ZNF397: variants seen among roughly 807,000 people sequenced by gnomAD.
The protein encoded by ZNF397 is zinc finger and SCAN domain-containing protein 15.
Under a neutral mutation model 50.6 loss-of-function variants are expected in ZNF397, and 38 were observed. The ratio of observed to expected loss-of-function variants is 0.75; its 90% CI spans 0.58 to 0.98. The LOEUF is 0.98. Among genes scored for constraint, ZNF397 ranks in the 50% least tolerant of loss-of-function variants. The probability of loss-of-function intolerance (pLI) is 0.00; values close to 1 mark genes in which losing one functional copy is unlikely to be tolerated. For synonymous variants in ZNF397, 228 were observed against 215.2 expected (o/e 1.06, Z -0.52); for missense variants, 624 against 624.1 (o/e 1.00, Z 0.00).
Position 35,247,012 on chromosome 18 carries a change from A to G in ZNF397, c.*702A>G, listed in dbSNP as rs1312595872. The G allele has an allele frequency of 1.1e-6, 1 of 908,994 alleles. No individual in the cohort carries two copies. The highest frequency in any genetic ancestry group is 1.3e-6 in the Non-Finnish European group (1 of 760,630). 56.3% of individuals were successfully genotyped at this position (908,994 alleles called of 1,614,324 possible). A position where few individuals can be genotyped will look rare whatever the true frequency, so the allele number is the denominator to read the frequency against. ...GCACCTGACTCAGCCTTGGATAAGG[A>G]AATGGGGGAAATGGCCTGAAGGATG... is the stretch of plus-strand genomic sequence containing the variant. On this transcript the variant is annotated 3_prime_UTR_variant, in exon 4 of 4. Coordinates refer to ENST00000330501, the MANE Select transcript of ZNF397 (RefSeq NM_001135178.3).
Position 35,245,332 on chromosome 18 carries a change from A to T in ZNF397, c.627A>T (p.Glu209Asp). Residue 209 changes from glutamate (E) to aspartate (D), a missense_variant, in exon 4 of 4, where the codon GAA becomes GAT. Glu to Asp is a conservative substitution (Grantham distance 45). Transcript: ENST00000330501. ...SEEKSQGLPQ[E>D]PSFRGISEHE... is the part of the protein sequence containing the mutation. ...AAAAATCACAGGGACTCCCTCAGGAACCTTCATTTCGAGGAATTAGTGAGC... is the reference window on the plus strand; with the variant it reads ...AAAAATCACAGGGACTCCCTCAGGATCCTTCATTTCGAGGAATTAGTGAGC... 6.2e-7 allele frequency: 1 copy of T among 1,613,340 alleles called. No homozygotes were observed. Among genetic ancestry groups the T allele is most frequent in the African/African-American group, 1.3e-5 (1 of 75,040 alleles).
At chr18:35,256,775 G>GT (rs1490730316) in intron 5 of ZNF397, among the ~76,000 whole-genome samples, 2 of 151,904 alleles carry the variant, frequency 1.3e-5, no homozygotes, top group East Asian at 1.9e-4. Flanking sequence ...TGTTGTTGTT[G>GT]TTGTTTGTTT....
chr18:35,245,363 A>G lies in ZNF397; in HGVS notation c.658A>G (p.Ser220Gly). The change falls in exon 4 of 4, where the codon AGC becomes GGC. Residue 220 changes from serine (S) to glycine (G), a missense_variant. Physicochemically the swap from Ser to Gly is moderately conservative, Grantham distance 56. Coordinates refer to ENST00000330501, the MANE Select transcript of ZNF397 (RefSeq NM_001135178.3). The stretch of plus-strand genomic sequence containing the variant: ...ATTTCGAGGAATTAGTGAGCATGAA[A>G]GCAATTTAGTGTGGAAGCAAGGAAG... ...PSFRGISEHE[S>G]NLVWKQGSAT... is the part of the protein sequence containing the mutation. 1 of 1,611,320 alleles carries G rather than the reference A, an allele frequency of 6.2e-7. No individual in the cohort carries two copies. The highest frequency in any genetic ancestry group is 8.5e-7 in the Non-Finnish European group (1 of 1,178,374).
chr18:35,246,943 C>A lies in ZNF397; in HGVS notation c.*633C>A. On this transcript the variant is annotated 3_prime_UTR_variant, in exon 4 of 4. Transcript: ENST00000330501. ...TCTACAGTCTAATGGGCAAGGCAGC[C>A]AGACAGGCAGTGAAAGTGGAATGCT... The A allele has an allele frequency of 1.1e-6, 1 of 887,266 alleles. No individual in the cohort carries two copies. Among genetic ancestry groups the A allele is most frequent in the Non-Finnish European group, 1.4e-6 (1 of 740,418 alleles). 55.0% of individuals were successfully genotyped at this position (887,266 alleles called of 1,614,324 possible).
At chr18:35,253,267 T>A, downstream of ZNF397, 1 of 479,094 alleles carries the variant, frequency 2.1e-6, no homozygotes, top group Non-Finnish European at 3.6e-6. Flanking sequence ...TTGGGTAACA[T>A]TTTTCTTCCA....
chr18:35,249,778 ATT>A lies in ZNF397; in HGVS notation c.*3470_*3471del, dbSNP rs1287350543. Reference sequence around the variant, plus strand: ...CAGTATGATCCTATGTAAAATATATATTTATGTATTAAAAATACTGAAAACAT... The same window carrying A: ...CAGTATGATCCTATGTAAAATATATATATGTATTAAAAATACTGAAAACAT... On this transcript the variant is annotated 3_prime_UTR_variant, in exon 4 of 4. Transcript: ENST00000330501. 1.3e-5 allele frequency: 2 copies of A among 151,486 alleles called. No individual in the cohort carries two copies. Among genetic ancestry groups the A allele is most frequent in the African/African-American group, 4.9e-5 (2 of 41,192 alleles). The allele number at this position is 151,486 out of a possible 1,614,324, so 9.4% of individuals were successfully genotyped here.
downstream of ZNF397, chr18:35,252,966 T>A (rs1190067586): frequency 6.5e-6 from 1 of 154,200 alleles, no homozygotes; most frequent in African/African-American, 2.4e-5. Flanking sequence ...ATTAAACTAA[T>A]AGCATAATTC....
At chr18:35,250,251 C>T (rs563129394), downstream of ZNF397, among the ~76,000 whole-genome samples, 2 of 152,320 alleles carry the variant, frequency 1.3e-5, no homozygotes, top group South Asian at 4.1e-4. Flanking sequence ...TCTTCCAACT[C>T]TAGACCCTCA....
intron 5 of ZNF397, among the ~76,000 whole-genome samples, chr18:35,255,294 G>A (rs1405869476): frequency 1.3e-5 from 2 of 151,462 alleles, no homozygotes; most frequent in African/African-American, 2.4e-5. Flanking sequence ...GGCATATTAT[G>A]TCAGCCATCT....
At chr18:35,242,995 A>T in intron 2 of ZNF397, 111 bp downstream of exon 2, 1 of 1,478,974 alleles carries the variant, frequency 6.8e-7, no homozygotes, top group Admixed American at 2.3e-5. Context: ...CCTAACCTGA[A>T]GTGACTAATA....
chr18:35,246,156 A>C lies in ZNF397; in HGVS notation c.1451A>C (p.Asn484Thr). ...AGTGGGGAGGAACCTTATCAGTGTA[A>C]TGAATGTGGCAAAACTTTCAAAAGG... Reference protein sequence around the residue: ...IHSGEEPYQCNECGKTFKRSS... With the variant: ...IHSGEEPYQCTECGKTFKRSS... The change falls in exon 4 of 4, where the codon AAT becomes ACT. Residue 484 changes from asparagine (N) to threonine (T), a missense_variant. Physicochemically the swap from Asn to Thr is moderately conservative, Grantham distance 65. Coordinates refer to ENST00000330501, the MANE Select transcript of ZNF397 (RefSeq NM_001135178.3). 1 of 1,551,238 alleles carries C rather than the reference A, an allele frequency of 6.4e-7. No homozygotes were observed. Among genetic ancestry groups the C allele is most frequent in the Non-Finnish European group, 8.7e-7 (1 of 1,146,526 alleles).
downstream of ZNF397, among the ~76,000 whole-genome samples, chr18:35,250,373 C>A (rs192184091): frequency 1.8e-4 from 28 of 152,294 alleles, no homozygotes; most frequent in African/African-American, 6.7e-4. Context: ...ATTTTTTCGT[C>A]TTCACCACTC....
chr18:35,242,879 CA>C lies in ZNF397; in HGVS notation c.410del (p.Gln137ArgfsTer17), dbSNP rs755427008. The C allele has an allele frequency of 6.2e-7, 1 of 1,604,794 alleles. No homozygotes were observed. Among genetic ancestry groups the C allele is most frequent in the Non-Finnish European group, 8.5e-7 (1 of 1,174,932 alleles). On this transcript the variant is annotated frameshift_variant, in exon 2 of 4. Transcript: ENST00000330501. LOFTEE classifies it high-confidence loss of function. ...AGAGAGGGAGTTTGATGACCCAGGG[CA>C]GCAGGTGGGAACGGAGAAAAGTGAT... ...DLEREFDDPG[Q>X]QVPASPQGPA...
Position 35,242,564 on chromosome 18 carries a change from T to G in ZNF397, c.94T>G (p.Trp32Gly), listed in dbSNP as rs1488332130. The change falls in exon 2 of 4, where the codon TGG (tryptophan) becomes GGG (glycine). Residue 32 changes from tryptophan (W) to glycine (G), a missense_variant. By Grantham distance (184) the Trp-to-Gly change is radical (BLOSUM62 -2). Coordinates refer to ENST00000330501, the MANE Select transcript of ZNF397 (RefSeq NM_001135178.3). ...AGTGAAAGTAGAAGATAACTTTTCC[T>G]GGGATGAGAAATTTAAGCAGAATGG... ...ILVKVEDNFS[W>G]DEKFKQNGST... 6.2e-7 allele frequency: 1 copy of G among 1,614,238 alleles called. No individual in the cohort carries two copies. Among genetic ancestry groups the G allele is most frequent in the Non-Finnish European group, 8.5e-7 (1 of 1,180,046 alleles).
In ZNF397 at chr18:35,249,689, AATTAAT is replaced by A. The variant is rs2043544955; in HGVS notation, c.*3385_*3390del. On this transcript the variant is annotated 3_prime_UTR_variant, in exon 4 of 4. Coordinates refer to ENST00000330501, the MANE Select transcript of ZNF397 (RefSeq NM_001135178.3). The stretch of plus-strand genomic sequence containing the variant: ...AAAAAAAAAAAAAAACACTGATGTC[AATTAAT>A]ATTAAATGAAGTATTCATGATATAT... 6.8e-6 allele frequency: 1 copy of A among 148,090 alleles called. No homozygotes were observed. Among genetic ancestry groups the A allele is most frequent in the African/African-American group, 2.5e-5 (1 of 40,452 alleles). 9.2% of individuals were successfully genotyped at this position (148,090 alleles called of 1,614,324 possible).
intron 5 of ZNF397, among the ~76,000 whole-genome samples, chr18:35,255,168 C>T (rs555731890): frequency 1.3e-5 from 2 of 151,322 alleles, no homozygotes; most frequent in Admixed American, 1.3e-4. Flanking sequence ...CTGCCCAGAG[C>T]CAGACCTTCT....
In ZNF397 at chr18:35,248,488, G is replaced by A. The variant is rs1487451726; in HGVS notation, c.*2178G>A. ...AACTGAAAAGGTAGGACGTAAAGTA[G>A]GAATTGTAAAACGGAAATACTCTTT... On this transcript the variant is annotated 3_prime_UTR_variant, in exon 4 of 4. Coordinates refer to ENST00000330501, the MANE Select transcript of ZNF397 (RefSeq NM_001135178.3). 6.6e-6 allele frequency: 1 copy of A among 152,178 alleles called. No homozygotes were observed. Among genetic ancestry groups the A allele is most frequent in the African/African-American group, 2.4e-5 (1 of 41,446 alleles). 9.4% of individuals were successfully genotyped at this position (152,178 alleles called of 1,614,324 possible). A position where few individuals can be genotyped will look rare whatever the true frequency, so the allele number is the denominator to read the frequency against.
At position 35,243,198 on chromosome 18, in the gene ZNF397, C is replaced by T. The variant is rs1236070716; in HGVS notation, c.461C>T (p.Thr154Ile). The T allele has an allele frequency of 6.2e-7, 1 of 1,614,190 alleles. No individual in the cohort carries two copies. Among genetic ancestry groups the T allele is most frequent in the Non-Finnish European group, 8.5e-7 (1 of 1,180,026 alleles). The stretch of plus-strand genomic sequence containing the variant: ...CCAGCAGTGCCATGGAAGGATTTAA[C>T]ATGTCTCAGAGCATCCCAAGAGTCA... ...QGPAVPWKDL[T>I]CLRASQESTD... Residue 154 changes from threonine (T) to isoleucine (I), a missense_variant, in exon 3 of 4, where the codon ACA (threonine) becomes ATA (isoleucine). Coordinates refer to ENST00000330501, the MANE Select transcript of ZNF397 (RefSeq NM_001135178.3).
Position 35,246,802 on chromosome 18 carries a change from C to G in ZNF397, c.*492C>G. On this transcript the variant is annotated 3_prime_UTR_variant, in exon 4 of 4. Coordinates refer to ENST00000330501, the MANE Select transcript of ZNF397 (RefSeq NM_001135178.3). ...CATCAATGATTTGTTGAGCCCAGGG[C>G]AGGCCAGGAATTAGATAGGCATGAG... The G allele has an allele frequency of 4.1e-6, 4 of 983,182 alleles. No homozygotes were observed. The highest frequency in any genetic ancestry group is 4.8e-6 in the Non-Finnish European group (4 of 829,470). The allele number at this position is 983,182 out of a possible 1,614,324, so 60.9% of individuals were successfully genotyped here.
Sources: allele counts gnomAD v4.1 joint callset (sites outside exome capture counted in the v4.1 genomes callset), GRCh38; gene constraint gnomAD v4.1.1; transcripts MANE v1.5; gene names NCBI Gene and HGNC (gene_info 2026-07-23, HGNC 2026-07-21).